Variants in ARL10 observed in about 807,000 individuals in gnomAD.
ARL10 encodes ADP-ribosylation factor-like protein 10.
In ARL10, 23 loss-of-function variants were observed where a neutral mutation model predicts 26.1. The observed-to-expected ratio is 0.88, with a 90% CI of 0.63 to 1.25. The LOEUF (loss-of-function observed/expected upper bound fraction) is 1.25. Among genes scored for constraint, ARL10 ranks in the 50% most tolerant of loss-of-function variants. The pLI is 0.00. For synonymous variants in ARL10, 138 were observed against 149.1 expected (o/e 0.93, Z 0.54); for missense variants, 300 against 323.6 (o/e 0.93, Z 0.56).
the ARL10 span, chr5:176,410,418 C>T: frequency 1.3e-6 from 1 of 751,552 alleles, no homozygotes; most frequent in Admixed American, 2.4e-5. Flanking sequence ...ATATATCGAC[C>T]CACATGCAAA....
intron 1 of ARL10, among the ~76,000 whole-genome samples, chr5:176,401,032 G>A (rs573142357): frequency 2.0e-5 from 3 of 152,306 alleles, no homozygotes; most frequent in South Asian, 2.1e-4. Flanking sequence ...GCAGCTGGGC[G>A]CCACCCTTAC....
chr5:176,395,614 C>G (rs1015393295), intron 1 of ARL10, among the ~76,000 whole-genome samples: 1 of 152,164 alleles, frequency 6.6e-6, no homozygotes, highest in Non-Finnish European at 1.5e-5. Flanking sequence ...AACTAACTGA[C>G]GTCGGCACGA....
At chr5:176,371,338 G>A (rs766175360) in intron 3 of ARL10, among the ~76,000 whole-genome samples, 22 of 152,176 alleles carry the variant, frequency 1.4e-4, no homozygotes, top group East Asian at 1.9e-4. Context: ...AGCCAAGATC[G>A]TGCCACTGCA....
chr5:176,395,939 A>T (rs1455580036), intron 1 of ARL10, among the ~76,000 whole-genome samples: 2 of 152,232 alleles, frequency 1.3e-5, no homozygotes, highest in Non-Finnish European at 2.9e-5. Context: ...GTTCGAGACC[A>T]GCCTGGCCGA....
At chr5:176,389,047 A>AG, downstream of ARL10, 1 of 1,569,772 alleles carries the variant, frequency 6.4e-7, no homozygotes, top group South Asian at 1.1e-5. Context: ...GAAGGACCAG[A>AG]GCGCTAGCGG....
At chr5:176,411,972 CG>C in the ARL10 span, among the ~76,000 whole-genome samples, 1 of 151,886 alleles carries the variant, frequency 6.6e-6, no homozygotes, top group East Asian at 1.9e-4. Context: ...GTCAGGAGAT[CG>C]AGACCATCCT....
chr5:176,391,342 T>C (rs535929287), downstream of ARL10, among the ~76,000 whole-genome samples: 1 of 152,310 alleles, frequency 6.6e-6, no homozygotes, highest in South Asian at 2.1e-4. Flanking sequence ...GGCTGGGTGC[T>C]ATGGTTCATC....
chr5:176,396,504 G>A (rs889546779), intron 1 of ARL10: 1 of 1,614,056 alleles, frequency 6.2e-7, no homozygotes, highest in Non-Finnish European at 8.5e-7. Context: ...TCAGCATCTG[G>A]CTGCTGGTAG....
Position 176,366,481 on chromosome 5 carries a change from C to A in ARL10, c.285C>A (p.Arg95=), listed in dbSNP as rs777716101. The A allele has an allele frequency of 6.2e-7, 1 of 1,614,008 alleles. No homozygotes were observed. The highest frequency in any genetic ancestry group is 1.1e-5 in the South Asian group (1 of 91,080). The change falls in exon 2 of 4, where the codon CGC becomes CGA. Residue 95 remains arginine, a synonymous_variant. Transcript: ENST00000310389. ...LDGAGKSTFL[R]VLSGKPPLEG... is the part of the protein sequence containing the mutation. ...GCGCAGGCAAGAGCACGTTCCTGCG[C>A]GTGTTGTCGGGGAAGCCACCGCTGG...
At chr5:176,390,879 G>A (rs1050636329), downstream of ARL10, among the ~76,000 whole-genome samples, 2 of 152,192 alleles carry the variant, frequency 1.3e-5, no homozygotes, top group Non-Finnish European at 2.9e-5. Context: ...TCTGGAAGAG[G>A]AGGCTGAGGA....
intron 3 of ARL10, among the ~76,000 whole-genome samples, chr5:176,371,325 G>A (rs1342447029): frequency 6.6e-6 from 1 of 152,244 alleles, no homozygotes. Flanking sequence ...GGAGGTTGCA[G>A]TGAGCCAAGA....
downstream of ARL10, chr5:176,406,011 T>C (rs547484009): frequency 3.3e-5 from 11 of 337,934 alleles, no homozygotes; most frequent in Non-Finnish European, 3.8e-5. Flanking sequence ...GAGAGCACAG[T>C]GGTGCTGCTG....
chr5:176,396,918 G>A (rs1014566814), intron 1 of ARL10, among the ~76,000 whole-genome samples: 4 of 151,488 alleles, frequency 2.6e-5, no homozygotes, highest in African/African-American at 7.3e-5. Context: ...TTTTTTCTTC[G>A]TACCCAGGTC....
Position 176,365,702 on chromosome 5 carries a change from T to G in ARL10, c.139T>G (p.Trp47Gly). Residue 47 changes from tryptophan to glycine, a missense_variant, in exon 1 of 4, where the codon TGG (tryptophan) becomes GGG (glycine). Trp to Gly is a radical substitution (Grantham distance 184). Coordinates refer to ENST00000310389, the MANE Select transcript of ARL10 (RefSeq NM_173664.6). ...ERRWDRGEAWWGAEAARLPEW... is the reference protein window; with the variant it reads ...ERRWDRGEAWGGAEAARLPEW... ...GCGCTGGGACCGGGGAGAGGCCTGG[T>G]GGGGCGCGGAGGCTGCCCGCCTCCC... The G allele has an allele frequency of 3.3e-5, 41 of 1,240,068 alleles. No individual in the cohort carries two copies. Among genetic ancestry groups the G allele is most frequent in the Non-Finnish European group, 4.1e-5 (41 of 990,506 alleles). The allele number at this position is 1,240,068 out of a possible 1,614,324, so 76.8% of individuals were successfully genotyped here.
At chr5:176,370,125 C>T (rs1306616089) in intron 3 of ARL10, among the ~76,000 whole-genome samples, 2 of 152,148 alleles carry the variant, frequency 1.3e-5, no homozygotes, top group East Asian at 1.9e-4. Flanking sequence ...TGTGTGCTTA[C>T]GGTGTGCCAT....
downstream of ARL10, chr5:176,406,221 C>T (rs553233373): frequency 5.7e-5 from 57 of 1,001,860 alleles, no homozygotes; most frequent in African/African-American, 7.6e-4. Context: ...AGATCACCAG[C>T]GGCTAGAGCA....
downstream of ARL10, chr5:176,389,041 G>A (rs1267170316): frequency 2.5e-5 from 40 of 1,579,900 alleles, no homozygotes; most frequent in Non-Finnish European, 3.4e-5. Flanking sequence ...AGTAGAGAAG[G>A]ACCAGAGCGC....
the ARL10 span, among the ~76,000 whole-genome samples, chr5:176,409,406 C>CTTTTTTTTTT: frequency 1.3e-5 from 1 of 79,654 alleles, no homozygotes; most frequent in East Asian, 3.8e-4. Context: ...TCTGATTGCC[C>CTTTTTTTTTT]TTTTTTTTTT....
the ARL10 span, among the ~76,000 whole-genome samples, chr5:176,407,085 G>C: frequency 3.9e-5 from 6 of 152,162 alleles, no homozygotes; most frequent in Non-Finnish European, 8.8e-5. Flanking sequence ...GTGAGAATAA[G>C]AGTTCTCACT....
Sources: allele counts gnomAD v4.1 joint callset (sites outside exome capture counted in the v4.1 genomes callset), GRCh38; gene constraint gnomAD v4.1.1; transcripts MANE v1.5; gene names NCBI Gene and HGNC (gene_info 2026-07-23, HGNC 2026-07-21).